Variants in CADM1 observed in about 807,000 individuals in gnomAD.
CADM1 encodes TSLC-1.
CADM1 carries 15 observed loss-of-function variants against 53.1 expected under a neutral mutation model. The observed-to-expected ratio is 0.28, with a 90% CI of 0.19 to 0.44. The LOEUF is 0.44. CADM1 is among the 20% of genes least tolerant of loss of function. The probability of loss-of-function intolerance (pLI) is 1.00; values close to 1 mark genes in which losing one functional copy is unlikely to be tolerated. For synonymous variants in CADM1, 281 were observed against 243.0 expected (o/e 1.16, Z -1.45); for missense variants, 434 against 611.3 (o/e 0.71, Z 3.06).
chr11:115,500,698 C>G (rs1363361448), intron 1 of CADM1, among the ~76,000 whole-genome samples: 1 of 152,224 alleles, frequency 6.6e-6, no homozygotes, highest in African/African-American at 2.4e-5. Context: ...ACATCTCTTT[C>G]CCTTCAACCA....
rs376974064 is a variant in CADM1, at chr11:115,504,262, C to A, written c.124+9G>T. ...ATTTAGGGGCCAACCGGTCGGTGCC[C>A]ACACCTACCTGTGGGGATCAGTGCC... On this transcript the variant is annotated intron_variant, in intron 1 of 11. Coordinates refer to ENST00000331581, the MANE Select transcript of CADM1 (RefSeq NM_001301043.2). 1.9e-6 allele frequency: 3 copies of A among 1,572,124 alleles called. No homozygotes were observed. The highest frequency in any genetic ancestry group is 1.2e-5 in the South Asian group (1 of 85,502).
At chr11:115,274,252 G>A (rs1943383226) in intron 1 of CADM1, among the ~76,000 whole-genome samples, 1 of 152,204 alleles carries the variant, frequency 6.6e-6, no homozygotes, top group Admixed American at 6.5e-5. Context: ...GTTCCCTTTA[G>A]ACAACAGGGG....
At chr11:115,367,793 C>A (rs190245691) in intron 1 of CADM1, among the ~76,000 whole-genome samples, 10 of 151,886 alleles carry the variant, frequency 6.6e-5, no homozygotes, top group African/African-American at 2.4e-4. Flanking sequence ...AAGGTTATCT[C>A]CAGAAGTAGA....
chr11:115,396,616 C>G (rs1947004475), intron 1 of CADM1: 1 of 152,156 alleles, frequency 6.6e-6, no homozygotes, highest in Admixed American at 6.6e-5. Flanking sequence ...TCTATTTCAT[C>G]CTAAATTTTC....
intron 1 of CADM1, chr11:115,399,309 C>T (rs1220706692): frequency 1.3e-5 from 2 of 152,158 alleles, no homozygotes; most frequent in Non-Finnish European, 2.9e-5. Context: ...CTTAACAAAA[C>T]ACGTATATCA....
At chr11:115,399,989 T>C (rs890619896) in intron 1 of CADM1, among the ~76,000 whole-genome samples, 1 of 152,224 alleles carries the variant, frequency 6.6e-6, no homozygotes, top group East Asian at 1.9e-4. Context: ...AAATGTGTGA[T>C]GTACATACAA....
At chr11:115,379,340 A>C (rs1946518846) in intron 1 of CADM1, among the ~76,000 whole-genome samples, 1 of 152,234 alleles carries the variant, frequency 6.6e-6, no homozygotes, top group Non-Finnish European at 1.5e-5. Flanking sequence ...TAAAATATCC[A>C]CAATACTGAC....
chr11:115,228,256 G>T (rs955938996), intron 5 of CADM1, among the ~76,000 whole-genome samples: 1 of 152,192 alleles, frequency 6.6e-6, no homozygotes. Context: ...GCGTTGTAAG[G>T]AAAGAAGTTT....
intron 1 of CADM1, among the ~76,000 whole-genome samples, chr11:115,447,941 C>T (rs1565432813): frequency 6.6e-6 from 1 of 152,152 alleles, no homozygotes. Flanking sequence ...GTAATGGTTG[C>T]TCATTAGATC....
intron 1 of CADM1, among the ~76,000 whole-genome samples, chr11:115,294,651 A>C (rs1190196695): frequency 1.3e-5 from 2 of 152,182 alleles, no homozygotes; most frequent in African/African-American, 4.8e-5. Context: ...TAGAGAGGGA[A>C]GCCTCAGGTG....
At chr11:115,330,673 C>T (rs1229626455) in intron 1 of CADM1, among the ~76,000 whole-genome samples, 2 of 152,156 alleles carry the variant, frequency 1.3e-5, no homozygotes. Flanking sequence ...CCTCATGGAG[C>T]TCAGTCTAAT....
At chr11:115,343,744 G>A (rs989968862) in intron 1 of CADM1, among the ~76,000 whole-genome samples, 59 of 146,620 alleles carry the variant, frequency 4.0e-4, no homozygotes, top group Admixed American at 8.2e-4. Flanking sequence ...AAATAGCATC[G>A]AATACAGAAA....
In CADM1 at chr11:115,357,549, T is replaced by C. The variant is rs367628519; in HGVS notation, c.125-117129A>G. 1.6e-3 allele frequency among the ~76,000 whole-genome samples: 249 copies of C among 152,304 alleles called. 2 individuals carry two copies. In the Middle Eastern group the frequency reaches 0.024, roughly 15 times the overall value. ...TCAGTCAGCCTTGATTTCGGTGTTG[T>C]CCACTTATTAGCTAGTGGTCTAGGG... is the stretch of plus-strand genomic sequence containing the variant. On this transcript the variant is annotated intron_variant, in intron 1 of 11. Transcript: ENST00000331581.
chr11:115,270,419 GAT>G, intron 1 of CADM1, among the ~76,000 whole-genome samples: 1 of 152,124 alleles, frequency 6.6e-6, no homozygotes, highest in South Asian at 2.1e-4. Flanking sequence ...GACCATTGCT[GAT>G]GTCTATAAAT....
intron 8 of CADM1, among the ~76,000 whole-genome samples, chr11:115,208,188 A>G (rs1248531204): frequency 1.3e-5 from 2 of 152,242 alleles, no homozygotes; most frequent in Non-Finnish European, 2.9e-5. Context: ...AGAGTGAGAC[A>G]TGAAAACCAA....
chr11:115,489,768 G>T (rs539973227), intron 1 of CADM1, among the ~76,000 whole-genome samples: 229 of 152,280 alleles, frequency 1.5e-3, no homozygotes, highest in Non-Finnish European at 2.6e-3. Context: ...TACAGAAGAA[G>T]GGTTCAAAGA....
At chr11:115,311,611 A>G (rs892403900) in intron 1 of CADM1, among the ~76,000 whole-genome samples, 2 of 152,130 alleles carry the variant, frequency 1.3e-5, no homozygotes, top group Admixed American at 1.3e-4. Flanking sequence ...AGGGTCAAAT[A>G]TATCTCATTC....
At chr11:115,307,328 C>T (rs1447924756) in intron 1 of CADM1, among the ~76,000 whole-genome samples, 1 of 151,738 alleles carries the variant, frequency 6.6e-6, no homozygotes, top group African/African-American at 2.4e-5. Context: ...TTAAATGTCC[C>T]AGGTATCCAG....
intron 10 of CADM1, among the ~76,000 whole-genome samples, chr11:115,188,998 G>T (rs1201266151): frequency 6.6e-6 from 1 of 151,968 alleles, no homozygotes; most frequent in Non-Finnish European, 1.5e-5. Flanking sequence ...GAACAAAGGT[G>T]CTAATCAGTT....
Sources: gnomAD v4.1 joint callset for allele counts (sites outside exome capture counted in the v4.1 genomes callset) on GRCh38, gnomAD v4.1.1 for gene constraint, MANE v1.5 for transcripts, NCBI Gene and HGNC (gene_info 2026-07-23, HGNC 2026-07-21) for gene names.